The following STRIP1 variants were observed in gnomAD, a reference collection of about 807,000 sequenced individuals.
STRIP1 encodes the protein striatin-interacting protein 1.
A neutral mutation model predicts 106.2 loss-of-function variants in STRIP1; 63 were observed. The ratio of observed to expected loss-of-function variants is 0.59; its 90% CI spans 0.48 to 0.73. The LOEUF is 0.73. Among genes scored for constraint, STRIP1 ranks in the 30% least tolerant of loss-of-function variants. The pLI is 0.00. For missense variants in STRIP1, 857 were observed against 1,074.8 expected (o/e 0.80, Z 2.83); for synonymous variants, 390 against 413.0 (o/e 0.94, Z 0.67).
At chr1:110,040,240 G>A (rs1047602065) in intron 5 of STRIP1, among the ~76,000 whole-genome samples, 3 of 152,116 alleles carry the variant, frequency 2.0e-5, no homozygotes, top group African/African-American at 7.2e-5. Flanking sequence ...GGAGTGATAT[G>A]GCGTGAACTT....
intron 1 of STRIP1, among the ~76,000 whole-genome samples, chr1:110,035,103 C>T (rs990209035): frequency 4.6e-5 from 7 of 152,204 alleles, no homozygotes; most frequent in Non-Finnish European, 8.8e-5. Flanking sequence ...GAGGCCCTAG[C>T]CCCTGGGGAA....
chr1:110,051,900 A>G lies in STRIP1; in HGVS notation c.2266+13A>G. The G allele has an allele frequency of 1.2e-6, 2 of 1,611,094 alleles. No individual in the cohort carries two copies. Among genetic ancestry groups the G allele is most frequent in the Non-Finnish European group, 1.7e-6 (2 of 1,179,308 alleles). ...GCATACGGCAATGGTGAGACTCTGC[A>G]CTCAGCCAGATTTGGGTGGGAGTGT... On this transcript the variant is annotated intron_variant, in intron 20 of 20. Transcript: ENST00000369795.
chr1:110,041,913 A>G, intron 8 of STRIP1, 52 bp downstream of exon 8: 1 of 1,555,276 alleles, frequency 6.4e-7, no homozygotes, highest in Non-Finnish European at 8.8e-7. Context: ...GGCAGTAGGG[A>G]GACTGTTCCT....
At chr1:110,053,459 GT>G (rs907958005) in intron 20 of STRIP1, among the ~76,000 whole-genome samples, 2 of 152,170 alleles carry the variant, frequency 1.3e-5, no homozygotes, top group African/African-American at 4.8e-5. Context: ...AATCCCTACA[GT>G]ATAAGCCTCT....
chr1:110,038,906 G>A (rs556968635), intron 3 of STRIP1, 149 bp downstream of exon 3: 14 of 758,940 alleles, frequency 1.8e-5, no homozygotes, highest in East Asian at 1.8e-4. Flanking sequence ...TACATGTAGA[G>A]TGGGCTTGTG....
intron 1 of STRIP1, among the ~76,000 whole-genome samples, chr1:110,037,227 T>G (rs1395817899): frequency 6.6e-6 from 1 of 152,208 alleles, no homozygotes; most frequent in African/African-American, 2.4e-5. Flanking sequence ...TGTTTCTCAC[T>G]TCTCTCTTCC....
rs1653453774 is a variant in STRIP1 at position 110,054,613 on chromosome 1, C to T, written c.*701C>T. Reference sequence around the variant, plus strand: ...GGGGTTTTTAATGTGATTGTGTATTCTGTTTACATTAAAAAGAAGCAAAAA... The same window carrying T: ...GGGGTTTTTAATGTGATTGTGTATTTTGTTTACATTAAAAAGAAGCAAAAA... On this transcript the variant is annotated 3_prime_UTR_variant, in exon 21 of 21. Coordinates refer to ENST00000369795, the MANE Select transcript of STRIP1 (RefSeq NM_033088.4). The T allele has an allele frequency of 6.6e-6, 1 of 152,548 alleles. No individual in the cohort carries two copies. Among genetic ancestry groups the T allele is most frequent in the Non-Finnish European group, 1.5e-5 (1 of 68,020 alleles). The allele number at this position is 152,548 out of a possible 1,614,324, so 9.4% of individuals were successfully genotyped here. A position where few individuals can be genotyped will look rare whatever the true frequency, so the allele number is the denominator to read the frequency against.
intron 17 of STRIP1, chr1:110,050,072 A>G (rs1170214881): frequency 4.2e-6 from 2 of 476,182 alleles, no homozygotes; most frequent in Non-Finnish European, 7.6e-6. Flanking sequence ...CCCGCCCCAC[A>G]TTGATTGCTG....
rs762270029 is a variant in STRIP1 at position 110,053,752 on chromosome 1, G to A, written c.2354G>A (p.Arg785Gln). 8.1e-6 allele frequency: 13 copies of A among 1,614,040 alleles called. No individual in the cohort carries two copies. The highest frequency in any genetic ancestry group is 1.3e-5 in the African/African-American group (1 of 74,998). Residue 785 changes from arginine to glutamine, a missense_variant, in exon 21 of 21, where the codon CGG becomes CAG. By Grantham distance (43) the Arg-to-Gln change is conservative (BLOSUM62 1). Transcript: ENST00000369795. ...IERFNARRYD[R>Q]AHSNPDFLPV... is the part of the protein sequence containing the mutation. ...CGCTTCAACGCCCGGCGCTATGACC[G>A]GGCCCACAGCAACCCTGACTTCCTG...
At position 110,049,246 on chromosome 1, in the gene STRIP1, C is replaced by CA; in HGVS notation, c.1788+9dup. ...TTGAACCATGTCTACCAGGTACCCA[C>CA]AGGGCTTTCCCTCCTGTCCTGTGGG... On this transcript the variant is annotated intron_variant, in intron 16 of 20. Transcript: ENST00000369795. 1.9e-6 allele frequency: 3 copies of CA among 1,614,096 alleles called. 1 individual carries two copies. The highest frequency in any genetic ancestry group is 8.5e-7 in the Non-Finnish European group (1 of 1,180,038).
intron 19 of STRIP1, among the ~76,000 whole-genome samples, chr1:110,051,291 A>ATGTCG (rs1210502355): frequency 6.6e-6 from 1 of 152,240 alleles, no homozygotes; most frequent in Non-Finnish European, 1.5e-5. Flanking sequence ...AACTTTTTCC[A>ATGTCG]TGTCGTCTTA....
intron 10 of STRIP1, among the ~76,000 whole-genome samples, chr1:110,044,454 G>T (rs1246648529): frequency 6.6e-6 from 1 of 152,202 alleles, no homozygotes; most frequent in Non-Finnish European, 1.5e-5. Flanking sequence ...TATGCTGATT[G>T]TTTGGGATAG....
chr1:110,033,861 C>T (rs1437771281), upstream of STRIP1, among the ~76,000 whole-genome samples: 1 of 152,262 alleles, frequency 6.6e-6, no homozygotes, highest in Non-Finnish European at 1.5e-5. Flanking sequence ...TAGCAAGAAA[C>T]TTCTTATCCT....
intron 19 of STRIP1, 53 bp from the exon 20 acceptor site, chr1:110,051,630 T>A: frequency 6.6e-7 from 1 of 1,506,508 alleles, no homozygotes; most frequent in East Asian, 2.4e-5. Flanking sequence ...ACCTGGGATG[T>A]ATGCATTTAT....
intron 10 of STRIP1, 44 bp downstream of exon 10, chr1:110,043,900 G>A (rs772736493): frequency 1.9e-6 from 3 of 1,568,696 alleles, no homozygotes; most frequent in East Asian, 4.5e-5. Context: ...CTGAGGCAGA[G>A]CCCTCACACC....
chr1:110,036,811 GTA>G (rs1337178327), intron 1 of STRIP1, among the ~76,000 whole-genome samples: 1 of 152,006 alleles, frequency 6.6e-6, no homozygotes, highest in Non-Finnish European at 1.5e-5. Flanking sequence ...TTGTTTGTGG[GTA>G]TGTTTTTTGT....
intron 17 of STRIP1, 102 bp downstream of exon 17, chr1:110,049,662 G>A: frequency 1.3e-6 from 1 of 782,746 alleles, no homozygotes; most frequent in Non-Finnish European, 2.1e-6. Context: ...CTACGAGCCA[G>A]CACTGTGCTA....
Position 110,045,063 on chromosome 1 carries a change from C to A in STRIP1, c.1401C>A (p.Ile467=). Residue 467 remains isoleucine, a synonymous_variant, in exon 12 of 21, where the codon ATC becomes ATA. Transcript: ENST00000369795. ...VGLPRPIHES[I]KTLKQHKYTS... ...TGCCCAGGCCAATCCACGAAAGCAT[C>A]AAGACTCTGAAACAGGTGAGTGGCT... 1 of 1,614,046 alleles carries A rather than the reference C, an allele frequency of 6.2e-7. No homozygotes were observed. The highest frequency in any genetic ancestry group is 8.5e-7 in the Non-Finnish European group (1 of 1,179,988).
chr1:110,034,806 AAAG>A lies in STRIP1; in HGVS notation c.171_173del (p.Lys57_Asp58delinsAsn). 1 of 1,415,912 alleles carries A rather than the reference AAAG, an allele frequency of 7.1e-7. No homozygotes were observed. The allele number at this position is 1,415,912 out of a possible 1,614,324, so 87.7% of individuals were successfully genotyped here. On this transcript the variant is annotated inframe_deletion, in exon 1 of 21. Coordinates refer to ENST00000369795, the MANE Select transcript of STRIP1 (RefSeq NM_033088.4). ...CCGCGAGTTCAACCGCAACCAGCGC[AAAG>A]ACTCAGAGGTCAGGAGCTTCGGGGG... is the stretch of plus-strand genomic sequence containing the variant.
Sources: allele counts gnomAD v4.1 joint callset (sites outside exome capture counted in the v4.1 genomes callset), GRCh38; gene constraint gnomAD v4.1.1; transcripts MANE v1.5; gene names NCBI Gene and HGNC (gene_info 2026-07-23, HGNC 2026-07-21).